PACS1: variants seen among roughly 807,000 people sequenced by gnomAD.
PACS1 encodes phosphofurin acidic cluster sorting protein 1.
In PACS1, 24 loss-of-function variants were observed where a neutral mutation model predicts 115.0. The ratio of observed to expected loss-of-function variants is 0.21; its 90% CI spans 0.15 to 0.29. The LOEUF (loss-of-function observed/expected upper bound fraction) is 0.29, where lower values mean the gene tolerates loss of function less well. Ranked by LOEUF, PACS1 falls within the 10% of genes least tolerant of loss-of-function variation. PACS1 has a pLI of 1.00. For synonymous variants in PACS1, 453 were observed against 504.5 expected, an observed-to-expected ratio of 0.90 and a Z score of 1.37; for missense variants, 838 against 1,251.2, an observed-to-expected ratio of 0.67 and a Z score of 4.98.
chr11:66,087,652 G>A (rs1490525960), intron 1 of PACS1, among the ~76,000 whole-genome samples: 1 of 152,228 alleles, frequency 6.6e-6, no homozygotes, highest in Non-Finnish European at 1.5e-5. Flanking sequence ...ATTCCATGGT[G>A]TGAGTATATC....
chr11:66,140,899 C>T (rs1192370751), intron 1 of PACS1, among the ~76,000 whole-genome samples: 1 of 152,044 alleles, frequency 6.6e-6, no homozygotes, highest in Non-Finnish European at 1.5e-5. Flanking sequence ...TTCCACATGT[C>T]CACATGAAGA....
At chr11:66,146,199 A>C (rs977117302) in intron 1 of PACS1, among the ~76,000 whole-genome samples, 1 of 152,182 alleles carries the variant, frequency 6.6e-6, no homozygotes, top group African/African-American at 2.4e-5. Context: ...CAGTCAATAG[A>C]AACTGTCTCT....
rs182905705 is a variant in PACS1, at chr11:66,134,101, T to C, written c.357-59385T>C. 2.4e-4 allele frequency among the ~76,000 whole-genome samples: 36 copies of C among 152,180 alleles called. No homozygotes were observed. In the East Asian group the frequency reaches 6.8e-3, roughly 29 times the overall value. ...ATTGTCATTGTTCCAGGTTCCTCTC[T>C]GTGCTCCCTGAAATCCCCATTAGCG... On this transcript the variant is annotated intron_variant, in intron 1 of 23. Transcript: ENST00000320580.
intron 2 of PACS1, among the ~76,000 whole-genome samples, chr11:66,195,349 G>T (rs1033874127): frequency 5.3e-5 from 8 of 152,172 alleles, no homozygotes; most frequent in African/African-American, 1.7e-4. Flanking sequence ...ACACTGTGTT[G>T]GGAAAGCAAG....
At chr11:66,075,566 G>T (rs1229611602) in intron 1 of PACS1, among the ~76,000 whole-genome samples, 3 of 152,028 alleles carry the variant, frequency 2.0e-5, no homozygotes, top group African/African-American at 4.8e-5. Context: ...TCATCTTTAT[G>T]GGAATACTTT....
intron 11 of PACS1, 76 bp from the exon 12 acceptor site, chr11:66,230,472 C>A (rs1208885397): frequency 1.0e-6 from 1 of 959,042 alleles, no homozygotes; most frequent in African/African-American, 1.6e-5. Context: ...GTGATGGGGC[C>A]TGGCCAGTCC....
intron 1 of PACS1, among the ~76,000 whole-genome samples, chr11:66,156,890 G>A (rs1033625804): frequency 2.6e-5 from 4 of 151,994 alleles, no homozygotes; most frequent in Admixed American, 2.0e-4. Flanking sequence ...TTTAATAAAG[G>A]CAGCTATTCA....
chr11:66,237,797 AG>A (rs1855734100), intron 19 of PACS1, among the ~76,000 whole-genome samples: 1 of 152,238 alleles, frequency 6.6e-6, no homozygotes, highest in Non-Finnish European at 1.5e-5. Context: ...CAAGGAGAGA[AG>A]GGGAGTTGTA....
At chr11:66,234,850 C>A (rs1030964582) in intron 17 of PACS1, among the ~76,000 whole-genome samples, 3 of 151,944 alleles carry the variant, frequency 2.0e-5, no homozygotes, top group African/African-American at 7.3e-5. Context: ...CCAGCTGGGG[C>A]AGCAGAGTGA....
intron 8 of PACS1, chr11:66,220,355 C>T (rs1228792274): frequency 6.8e-6 from 3 of 443,260 alleles, no homozygotes; most frequent in South Asian, 3.0e-5. Context: ...AGGAAGAACC[C>T]ACATGGGCGA....
At chr11:66,202,743 ATATATATATATATATATATATAT>A (rs1423908887) in intron 2 of PACS1, among the ~76,000 whole-genome samples, 1,728 of 58,950 alleles carry the variant, frequency 0.029, 258 homozygotes, top group African/African-American at 0.12. Flanking sequence ...AAAAAAAAAA[ATATATATATATATATATATATAT>A]ATATATATAT....
intron 1 of PACS1, among the ~76,000 whole-genome samples, chr11:66,096,209 CTTTTTTTT>C (rs66569530): frequency 0.016 from 1,892 of 119,544 alleles, 59 homozygotes; most frequent in African/African-American, 0.058. Flanking sequence ...CTTTTTCTTT[CTTTTTTTT>C]TTTTTTTTTT....
chr11:66,212,484 T>C (rs1040407926), intron 4 of PACS1, among the ~76,000 whole-genome samples: 5 of 151,308 alleles, frequency 3.3e-5, no homozygotes, highest in Admixed American at 2.6e-4. Flanking sequence ...TTGTCCAGGC[T>C]GGTCTCAAAC....
In PACS1 at chr11:66,210,382, C is replaced by T. The variant is rs1223047845; in HGVS notation, c.465C>T (p.Arg155=). 14 of 1,613,914 alleles carry T rather than the reference C, an allele frequency of 8.7e-6. No homozygotes were observed. Among genetic ancestry groups the T allele is most frequent in the African/African-American group, 2.7e-5 (2 of 74,928 alleles). The change falls in exon 3 of 24, where the codon CGC becomes CGT. Residue 155 remains arginine, a synonymous_variant. Transcript: ENST00000320580. Reference sequence around the variant, plus strand: ...TTCAGGGTTCAAAAAGAATTCTTCGCTCCAACGAGATCGTCCTTCCAGCTA... The same window carrying T: ...TTCAGGGTTCAAAAAGAATTCTTCGTTCCAACGAGATCGTCCTTCCAGCTA... ...VKLQGSKRIL[R]SNEIVLPASG...
chr11:66,233,513 ACCCTGCGGGCAT>A lies in PACS1; in HGVS notation c.1839-268_1839-257del, dbSNP rs968123464. Among the ~76,000 whole-genome samples, 23 of 152,134 alleles carry A rather than the reference ACCCTGCGGGCAT, an allele frequency of 1.5e-4. No homozygotes were observed. The highest frequency in any genetic ancestry group is 5.5e-4 in the African/African-American group (23 of 41,504). On this transcript the variant is annotated intron_variant, in intron 15 of 23. Coordinates refer to ENST00000320580, the MANE Select transcript of PACS1 (RefSeq NM_018026.4). The surrounding 1 kb of genome is among the most constrained non-coding windows in gnomAD (Gnocchi z 4.5). ...ATGGATTCCAGGCCTGGGGGCACAC[ACCCTGCGGGCAT>A]CCCAGGCACACTGCCGAGTCCTACG...
At chr11:66,212,752 C>G (rs1205120496) in intron 4 of PACS1, among the ~76,000 whole-genome samples, 1 of 152,216 alleles carries the variant, frequency 6.6e-6, no homozygotes, top group Non-Finnish European at 1.5e-5. Flanking sequence ...AGCATCTATT[C>G]ATGATTCTTG....
chr11:66,105,486 G>A (rs1405175724), intron 1 of PACS1, among the ~76,000 whole-genome samples: 1 of 152,120 alleles, frequency 6.6e-6, no homozygotes, highest in Non-Finnish European at 1.5e-5. Context: ...GTTTATGGTA[G>A]GTCAAAATCG....
chr11:66,151,928 A>G (rs1460178449), intron 1 of PACS1, among the ~76,000 whole-genome samples: 6 of 152,194 alleles, frequency 3.9e-5, no homozygotes, highest in African/African-American at 1.2e-4. Flanking sequence ...AATAAGTAAT[A>G]GCTGAAATAA....
intron 1 of PACS1, among the ~76,000 whole-genome samples, chr11:66,117,277 A>G (rs1038945424): frequency 4.6e-5 from 7 of 151,990 alleles, no homozygotes; most frequent in South Asian, 2.1e-4. Flanking sequence ...CCTAGCCAAC[A>G]TGGTGAAATC....
Sources: allele counts gnomAD v4.1 joint callset (sites outside exome capture counted in the v4.1 genomes callset), GRCh38; gene constraint gnomAD v4.1.1; non-coding constraint Gnocchi (gnomAD v3.1); transcripts MANE v1.5; gene names NCBI Gene and HGNC (gene_info 2026-07-23, HGNC 2026-07-21).